The following MCF2L variants were observed in gnomAD, a reference collection of about 807,000 sequenced individuals.
The protein encoded by MCF2L is guanine nucleotide exchange factor DBS.
MCF2L carries 97 observed loss-of-function variants against 153.4 expected under a neutral mutation model. The ratio of observed to expected loss-of-function variants is 0.63; its 90% CI spans 0.54 to 0.75. The LOEUF (loss-of-function observed/expected upper bound fraction) is 0.75. MCF2L is among the 30% of genes least tolerant of loss of function. The pLI, the probability that MCF2L is intolerant of heterozygous loss-of-function variation, is 0.00. For missense variants in MCF2L, 1,347 were observed against 1,495.2 expected (o/e 0.90, Z 1.64); for synonymous variants, 659 against 632.2 (o/e 1.04, Z -0.64).
At position 113,096,445 on chromosome 13, in the gene MCF2L, C is replaced by T. The variant is rs768269006; in HGVS notation, c.3150C>T (p.Asp1050=). The T allele has an allele frequency of 1.9e-6, 3 of 1,593,786 alleles. No individual in the cohort carries two copies. Among genetic ancestry groups the T allele is most frequent in the Non-Finnish European group, 2.6e-6 (3 of 1,171,444 alleles). The change falls in exon 28 of 30, where the codon GAC becomes GAT. Residue 1050 remains aspartate (D), a synonymous_variant. Transcript: ENST00000535094. ...GPDALRVRSG[D]VVELVQEGDE... The stretch of plus-strand genomic sequence containing the variant: ...ATGCGCTGCGCGTGAGGAGCGGGGA[C>T]GTGGTGGAGCTGGTGCAGGAGGGCG...
chr13:112,964,547 C>G (rs2081870371), upstream of MCF2L, among the ~76,000 whole-genome samples: 1 of 152,214 alleles, frequency 6.6e-6, no homozygotes, highest in African/African-American at 2.4e-5. Context: ...TACCCTTTGT[C>G]CTGTATCTCT....
intron 2 of MCF2L, among the ~76,000 whole-genome samples, chr13:112,953,587 G>A (rs1461934850): frequency 1.3e-5 from 2 of 152,262 alleles, no homozygotes; most frequent in South Asian, 2.1e-4. Flanking sequence ...GAAAGCAGGG[G>A]TGGGAAAGAT....
intron 2 of MCF2L, among the ~76,000 whole-genome samples, chr13:112,959,647 TCCCTATTAGA>T (rs1648339948): frequency 6.6e-6 from 1 of 152,174 alleles, no homozygotes; most frequent in Non-Finnish European, 1.5e-5. Flanking sequence ...TTAGATTTTC[TCCCTATTAGA>T]GGGAATATCT....
At chr13:112,897,859 T>A (rs1176504587) in intron 1 of MCF2L, among the ~76,000 whole-genome samples, 1 of 152,156 alleles carries the variant, frequency 6.6e-6, no homozygotes, top group East Asian at 1.9e-4. Context: ...CAGTGGGGAC[T>A]GGAGTGAGGG....
chr13:113,088,154 CAG>C (rs1330910089), intron 23 of MCF2L, among the ~76,000 whole-genome samples, 171 bp from the exon 24 acceptor site: 1 of 152,192 alleles, frequency 6.6e-6, no homozygotes, highest in African/African-American at 2.4e-5. Context: ...GCATGGGGCA[CAG>C]AGGGTCCCGC....
chr13:113,096,313 G>A, intron 27 of MCF2L, 58 bp from the exon 28 acceptor site: 1 of 1,343,776 alleles, frequency 7.4e-7, no homozygotes. Context: ...TGGCTGCTGT[G>A]GGGCTGCTGC....
At chr13:112,896,047 C>G (rs1041793084) in intron 1 of MCF2L, among the ~76,000 whole-genome samples, 3 of 152,222 alleles carry the variant, frequency 2.0e-5, no homozygotes, top group Non-Finnish European at 4.4e-5. Context: ...CGTGAAGGGT[C>G]TGCAACGTTA....
upstream of MCF2L, chr13:112,966,151 C>T (rs1183108988): frequency 6.6e-6 from 1 of 152,222 alleles, no homozygotes; most frequent in Non-Finnish European, 1.5e-5. This position sits in a 1 kb window ranked among gnomAD's most constrained non-coding sequence, Gnocchi z 4.1. Context: ...TCCCTAATGC[C>T]AGGTGTAATG....
intron 3 of MCF2L, among the ~76,000 whole-genome samples, chr13:113,040,105 G>T (rs977757835): frequency 6.6e-6 from 1 of 152,212 alleles, no homozygotes; most frequent in African/African-American, 2.4e-5. Flanking sequence ...ATCCCACAAT[G>T]TTGAAAGAAG....
At chr13:112,917,364 C>T (rs772061896) in intron 2 of MCF2L, 90 of 352,506 alleles carry the variant, frequency 2.6e-4, no homozygotes, top group Admixed American at 2.0e-3. Context: ...TCACTCATGC[C>T]CGTATCCGAC....
chr13:113,082,586 G>T, intron 17 of MCF2L, 44 bp downstream of exon 17: 4 of 1,370,268 alleles, frequency 2.9e-6, no homozygotes, highest in Non-Finnish European at 4.1e-6. Flanking sequence ...GTGATCTCTT[G>T]CAGCTAATGG....
At chr13:113,063,815 A>G (rs2031938869) in intron 5 of MCF2L, 1 of 432,636 alleles carries the variant, frequency 2.3e-6, no homozygotes, top group African/African-American at 2.0e-5. Context: ...CGTGTCAACA[A>G]CTGCATCCTT....
chr13:113,066,401 G>C (rs1018112322), intron 8 of MCF2L, among the ~76,000 whole-genome samples: 11 of 152,284 alleles, frequency 7.2e-5, no homozygotes, highest in Admixed American at 4.6e-4. Flanking sequence ...CACTGTTTTG[G>C]GGACAATTTC....
chr13:113,018,585 C>T (rs568173493), intron 2 of MCF2L, among the ~76,000 whole-genome samples: 180 of 152,224 alleles, frequency 1.2e-3, no homozygotes, highest in Non-Finnish European at 2.1e-3. Context: ...GCATGGCAGT[C>T]GGAGCAGGCC....
Position 113,060,630 on chromosome 13 carries a change from T to G in MCF2L, c.407T>G (p.Leu136Arg), listed in dbSNP as rs745705944. The change falls in exon 5 of 30, where the codon CTT becomes CGT. Residue 136 changes from leucine (L) to arginine (R), a missense_variant. Physicochemically the swap from Leu to Arg is moderately radical, Grantham distance 102. Around this residue, in one of 3 missense-constraint regions of MCF2L, gnomAD observed 820 missense variants for 921.2 expected, o/e 0.89. Coordinates refer to ENST00000535094, the MANE Select transcript of MCF2L (RefSeq NM_001112732.3). ...GCAAACCTGCAGCTCGTCCTCGTGC[T>G]TCGCCCGACGGGTTTTTTCCAAAGG... ...FPANLQLVLVLRPTGFFQRTL... is the reference protein window; with the variant it reads ...FPANLQLVLVRRPTGFFQRTL... 1 of 1,613,616 alleles carries G rather than the reference T, an allele frequency of 6.2e-7. No homozygotes were observed. The highest frequency in any genetic ancestry group is 1.3e-5 in the African/African-American group (1 of 75,066).
Position 113,008,527 on chromosome 13 carries a change from G to A in MCF2L, c.80-6236G>A, listed in dbSNP as rs180743146. Among the ~76,000 whole-genome samples the A allele has an allele frequency of 7.2e-5, 11 of 152,278 alleles. No homozygotes were observed. In the East Asian group the frequency reaches 2.1e-3, roughly 29 times the overall value. On this transcript the variant is annotated intron_variant, in intron 1 of 29. Coordinates refer to ENST00000535094, the MANE Select transcript of MCF2L (RefSeq NM_001112732.3). ...AACTGTCTTTAAGACAGAAAAAGTT[G>A]GGTAATTCTTCATCTATTTGAAGTG...
chr13:112,905,049 T>C (rs1007934506), intron 2 of MCF2L, among the ~76,000 whole-genome samples: 1 of 152,226 alleles, frequency 6.6e-6, no homozygotes, highest in East Asian at 1.9e-4. Context: ...TCATCTTCTC[T>C]GAAACTCTGT....
At chr13:113,057,278 C>CTG in intron 4 of MCF2L, among the ~76,000 whole-genome samples, 1 of 117,694 alleles carries the variant, frequency 8.5e-6, no homozygotes, top group Non-Finnish European at 1.7e-5. Context: ...TGAGTGGGTG[C>CTG]TGTGTTTGGG....
chr13:113,056,824 GTTTA>G (rs200970837), intron 4 of MCF2L, among the ~76,000 whole-genome samples: 10 of 142,442 alleles, frequency 7.0e-5, no homozygotes, highest in South Asian at 2.2e-4. Context: ...GGTGCTGAGT[GTTTA>G]GGTGCTGTGT....
Sources: gnomAD v4.1 joint callset for allele counts (sites outside exome capture counted in the v4.1 genomes callset) on GRCh38, gnomAD v4.1.1 for gene constraint, gnomAD v4.1.1 regional missense constraint, Gnocchi (gnomAD v3.1) non-coding constraint, MANE v1.5 for transcripts, NCBI Gene and HGNC (gene_info 2026-07-23, HGNC 2026-07-21) for gene names.